The following MKI67 variants were observed in gnomAD, a reference collection of about 807,000 sequenced individuals.
MKI67 encodes proliferation marker protein Ki-67.
Under a neutral mutation model 233.5 loss-of-function variants are expected in MKI67, and 152 were observed. The observed-to-expected ratio is 0.65, with a 90% CI of 0.57 to 0.74. MKI67 has a LOEUF of 0.74. Ranked by LOEUF, MKI67 falls within the 30% of genes least tolerant of loss-of-function variation. The probability of loss-of-function intolerance (pLI) is 0.00; values close to 1 mark genes in which losing one functional copy is unlikely to be tolerated. For missense variants in MKI67, 3,940 were observed against 3,885.2 expected (o/e 1.01, Z -0.37); for synonymous variants, 1,465 against 1,418.5 (o/e 1.03, Z -0.74).
chr10:128,103,075 T>C lies in MKI67; in HGVS notation c.8765A>G (p.Gln2922Arg). Residue 2922 changes from glutamine to arginine, a missense_variant, in exon 13 of 15, where the codon CAA (glutamine) becomes CGA (arginine). Physicochemically the swap from Gln to Arg is conservative, Grantham distance 43 (BLOSUM62 1). Transcript: ENST00000368654. ...AQPLEDLASF[Q>R]ELSQTPGHTE... ...GTGGCCTGGTGTTTGAGAGAGCTCT[T>C]GGAAGCTGGCCAGATCTTCCAGGGG... 1 of 1,614,272 alleles carries C rather than the reference T, an allele frequency of 6.2e-7. No homozygotes were observed. Among genetic ancestry groups the C allele is most frequent in the Non-Finnish European group, 8.5e-7 (1 of 1,180,048 alleles).
Position 128,112,204 on chromosome 10 carries a change from C to T in MKI67, c.1898G>A (p.Arg633Gln), listed in dbSNP as rs76882822. The T allele has an allele frequency of 4.0e-4, 638 of 1,614,204 alleles. 4 individuals are homozygous for T. Among genetic ancestry groups the T allele is most frequent in the South Asian group, 6.6e-4 (60 of 91,084 alleles). The part of the protein sequence containing the change: ...NLPSKRVSIS[R>Q]SQHDILQMIC... ...CATCTGTAAAATATCATGTTGACTT[C>T]GGCTGATAGACACTCTCTTTGAAGG... is the stretch of plus-strand genomic sequence containing the variant. Residue 633 changes from arginine (R) to glutamine (Q), a missense_variant, in exon 9 of 15, where the codon CGA (arginine) becomes CAA (glutamine). Physicochemically the swap from Arg to Gln is conservative, Grantham distance 43. Coordinates refer to ENST00000368654, the MANE Select transcript of MKI67 (RefSeq NM_002417.5).
rs1182379719 is a variant in MKI67 at position 128,102,946 on chromosome 10, G to A, written c.8894C>T (p.Ala2965Val). ...GTCTCCCACGGGTTCTACTTTAGGG[G>A]CCCGAAGAACTCTTCTGGATATTTT... ...PLKISRRVLRAPKVEPVGDVV... is the reference protein window; with the variant it reads ...PLKISRRVLRVPKVEPVGDVV... Residue 2965 changes from alanine (A) to valine (V), a missense_variant, in exon 13 of 15, where the codon GCC (alanine) becomes GTC (valine). Physicochemically the swap from Ala to Val is moderately conservative, Grantham distance 64. Transcript: ENST00000368654. 4 of 1,614,220 alleles carry A rather than the reference G, an allele frequency of 2.5e-6. No individual in the cohort carries two copies. Among genetic ancestry groups the A allele is most frequent in the Middle Eastern group, 1.6e-4 (1 of 6,062 alleles).
chr10:128,105,054 T>G lies in MKI67; in HGVS notation c.6786A>C (p.Val2262=). The G allele has an allele frequency of 1.2e-6, 2 of 1,613,956 alleles. No individual in the cohort carries two copies. Among genetic ancestry groups the G allele is most frequent in the Non-Finnish European group, 1.7e-6 (2 of 1,180,014 alleles). Residue 2262 remains valine, a synonymous_variant, in exon 13 of 15, where the codon GTA becomes GTC. Transcript: ENST00000368654. ...SLALRKRTPS[V]GKAMDTPKPA... ...GTTTGGGTGTGTCCATAGCTTTCCC[T>G]ACTGATGGTGTTCGTTTCCTGAGTG... is the stretch of plus-strand genomic sequence containing the variant.
chr10:128,121,533 ATTATATTATAATTATATAT>A (rs1852944985), intron 4 of MKI67, among the ~76,000 whole-genome samples: 1 of 47,846 alleles, frequency 2.1e-5, no homozygotes, highest in Admixed American at 2.3e-4. Flanking sequence ...AATATTATAT[ATTATATTATAATTATATAT>A]GATTATATAT....
intron 4 of MKI67, among the ~76,000 whole-genome samples, chr10:128,121,175 T>C (rs1327863922): frequency 6.6e-6 from 1 of 151,642 alleles, no homozygotes; most frequent in Admixed American, 6.6e-5. Flanking sequence ...TACACCATAG[T>C]ACAGCCTCAA....
chr10:128,116,158 T>A (rs1446184386), intron 6 of MKI67, 151 bp from the exon 7 acceptor site: 1 of 840,388 alleles, frequency 1.2e-6, no homozygotes, highest in Non-Finnish European at 1.8e-6. Context: ...AACTTGCAAG[T>A]CTTATGATAC....
chr10:128,105,706 G>T lies in MKI67; in HGVS notation c.6134C>A (p.Ser2045Tyr). Residue 2045 changes from serine (S) to tyrosine (Y), a missense_variant, in exon 13 of 15, where the codon TCT (serine) becomes TAT (tyrosine). Transcript: ENST00000368654. ...DGKSIKAFKE[S>Y]AKQMLDPANY... ...TGCTGGGTCCAGCATCTGCTTTGCA[G>T]ATTCCTTAAACGCTTTGATGCTCTT... The T allele has an allele frequency of 6.2e-7, 1 of 1,614,126 alleles. No homozygotes were observed. Among genetic ancestry groups the T allele is most frequent in the Non-Finnish European group, 8.5e-7 (1 of 1,180,034 alleles).
rs530530028 is a variant in MKI67, at chr10:128,106,168, A to G, written c.5672T>C (p.Leu1891Ser). ...TGATGGTGTTAGTTTCCTGAATGCT[A>G]AAAATTCTTCCTCTACGTCTGCTTT... ...LKKADVEEEFLAFRKLTPSAG... is the reference protein window; with the variant it reads ...LKKADVEEEFSAFRKLTPSAG... The change falls in exon 13 of 15, where the codon TTA (leucine) becomes TCA (serine). Residue 1891 changes from leucine (L) to serine (S), a missense_variant. Transcript: ENST00000368654. 3 of 1,613,282 alleles carry G rather than the reference A, an allele frequency of 1.9e-6. No individual in the cohort carries two copies. The African/African-American group carries it at 4.0e-5, about 22-fold the overall frequency.
Position 128,106,264 on chromosome 10 carries a change from C to A in MKI67, c.5576G>T (p.Cys1859Phe), listed in dbSNP as rs747656117. 6.2e-7 allele frequency: 1 copy of A among 1,612,388 alleles called. No individual in the cohort carries two copies. The change falls in exon 13 of 15, where the codon TGC becomes TTC. Residue 1859 changes from cysteine (C) to phenylalanine (F), a missense_variant. Cys to Phe is a radical substitution (Grantham distance 205). Coordinates refer to ENST00000368654, the MANE Select transcript of MKI67 (RefSeq NM_002417.5). ...CGCTGGGTCTGATTGCGGAGATTTG[C>A]AGAGTATTTTTTTGGTAGTTTTCTC... ...TDEKTTKKIL[C>F]KSPQSDPADT...
Position 128,125,824 on chromosome 10 carries a change from AT to A in MKI67, c.-89-69del. 1 of 685,934 alleles carries A rather than the reference AT, an allele frequency of 1.5e-6. No homozygotes were observed. The highest frequency in any genetic ancestry group is 1.8e-5 in the African/African-American group (1 of 56,132). The allele number at this position is 685,934 out of a possible 1,614,324, so 42.5% of individuals were successfully genotyped here. On this transcript the variant is annotated intron_variant, in intron 1 of 14. Transcript: ENST00000368654. The surrounding 1 kb of genome is among the most constrained non-coding windows in gnomAD (Gnocchi z 5.3). ...GAAGGGCCCCGTGCCCAATTCACCT[AT>A]CCCCGGCCACAGAAGCGCACACCGC...
At chr10:128,116,614 T>C in intron 5 of MKI67, 78 bp from the exon 6 acceptor site, 1 of 1,392,858 alleles carries the variant, frequency 7.2e-7, no homozygotes, top group South Asian at 1.2e-5. Context: ...AAATATTATT[T>C]ATTGTTTTCT....
chr10:128,107,786 G>A lies in MKI67; in HGVS notation c.4054C>T (p.Leu1352Phe), dbSNP rs748654192. Residue 1352 changes from leucine to phenylalanine, a missense_variant, in exon 13 of 15, where the codon CTC (leucine) becomes TTC (phenylalanine). By Grantham distance (22) the Leu-to-Phe change is conservative. Coordinates refer to ENST00000368654, the MANE Select transcript of MKI67 (RefSeq NM_002417.5). ...ALEDLTGFKE[L>F]FQTPGHTEEA... ...TCAGTATGACCAGGGGTCTGGAAGAGCTCTTTAAAGCCAGTCAGGTCTTCC... is the reference window on the plus strand; with the variant it reads ...TCAGTATGACCAGGGGTCTGGAAGAACTCTTTAAAGCCAGTCAGGTCTTCC... The A allele has an allele frequency of 6.2e-7, 1 of 1,614,056 alleles. No homozygotes were observed. Among genetic ancestry groups the A allele is most frequent in the Non-Finnish European group, 8.5e-7 (1 of 1,180,000 alleles).
intron 5 of MKI67, among the ~76,000 whole-genome samples, chr10:128,117,068 T>G (rs915568982): frequency 5.3e-5 from 8 of 152,210 alleles, no homozygotes; most frequent in Non-Finnish European, 1.2e-4. Flanking sequence ...GAGTGATTAA[T>G]AGGAAACAAA....
chr10:128,119,213 A>G, intron 5 of MKI67, 40 bp downstream of exon 5: 7 of 1,389,184 alleles, frequency 5.0e-6, no homozygotes, highest in Non-Finnish European at 7.2e-6. Flanking sequence ...ATTTCATATC[A>G]TCGAAACGAA....
rs540401023 is a variant in MKI67, at chr10:128,103,711, G to T, written c.8129C>A (p.Pro2710Gln). ...KATKIPCESP[P>Q]LEVVDTTAST... ...TGCTGTGGTGTCTACCACTTCTAGT[G>T]GGGGAGATTCGCAGGGTATTTTAGT... The change falls in exon 13 of 15, where the codon CCA becomes CAA. Residue 2710 changes from proline to glutamine, a missense_variant. Transcript: ENST00000368654. 6.2e-6 allele frequency: 10 copies of T among 1,614,068 alleles called. No individual in the cohort carries two copies. The highest frequency in any genetic ancestry group is 3.3e-5 in the South Asian group (3 of 91,076).
Position 128,099,180 on chromosome 10 carries a change from G to T in MKI67, c.*10C>A. 6.3e-7 allele frequency: 1 copy of T among 1,599,700 alleles called. No individual in the cohort carries two copies. Among genetic ancestry groups the T allele is most frequent in the Non-Finnish European group, 8.5e-7 (1 of 1,172,298 alleles). Reference sequence around the variant, plus strand: ...AACTTTATTATATTTTTCCCAGTTCGATTTTTCTGTCAAATATCTTCACTG... The same window carrying T: ...AACTTTATTATATTTTTCCCAGTTCTATTTTTCTGTCAAATATCTTCACTG... On this transcript the variant is annotated 3_prime_UTR_variant, in exon 15 of 15. Coordinates refer to ENST00000368654, the MANE Select transcript of MKI67 (RefSeq NM_002417.5).
In MKI67 at chr10:128,105,266, C is replaced by G. The variant is rs139058203; in HGVS notation, c.6574G>C (p.Glu2192Gln). 6.2e-7 allele frequency: 1 copy of G among 1,613,962 alleles called. No homozygotes were observed. Among genetic ancestry groups the G allele is most frequent in the Non-Finnish European group, 8.5e-7 (1 of 1,180,032 alleles). The change falls in exon 13 of 15, where the codon GAA becomes CAA. Residue 2192 changes from glutamate (E) to glutamine (Q), a missense_variant. Coordinates refer to ENST00000368654, the MANE Select transcript of MKI67 (RefSeq NM_002417.5). Reference protein sequence around the residue: ...RTPKGKAQPLEDLAGLKELFQ... With the variant: ...RTPKGKAQPLQDLAGLKELFQ... Reference sequence around the variant, plus strand: ...AGCTCTTTCAAGCCAGCCAAGTCTTCTAGGGGTTGGGCTTTTCCCTTAGGA... The same window carrying G: ...AGCTCTTTCAAGCCAGCCAAGTCTTGTAGGGGTTGGGCTTTTCCCTTAGGA...
At position 128,103,760 on chromosome 10, in the gene MKI67, C is replaced by T; in HGVS notation, c.8080G>A (p.Glu2694Lys). The change falls in exon 13 of 15, where the codon GAA (glutamate) becomes AAA (lysine). Residue 2694 changes from glutamate to lysine, a missense_variant. Coordinates refer to ENST00000368654, the MANE Select transcript of MKI67 (RefSeq NM_002417.5). ...GTGGCTTTGCCAGCAGTCAGTGATT[C>T]CTGAGTGTGACCTGATGTTTCAGAG... ...ELSETSGHTQ[E>K]SLTAGKATKI... 6.2e-7 allele frequency: 1 copy of T among 1,613,612 alleles called. No individual in the cohort carries two copies. The highest frequency in any genetic ancestry group is 8.5e-7 in the Non-Finnish European group (1 of 1,179,958).
chr10:128,112,056 GA>G lies in MKI67; in HGVS notation c.1970-12del. 2 of 1,608,186 alleles carry G rather than the reference GA, an allele frequency of 1.2e-6. No homozygotes were observed. Among genetic ancestry groups the G allele is most frequent in the South Asian group, 1.1e-5 (1 of 90,024 alleles). ...CCCATGATTTTGCAACTGTCAAAGG[GA>G]AAAGACGAAACTTTTCAAAAATTAG... On this transcript the variant is annotated splice_polypyrimidine_tract_variant and intron_variant, in intron 9 of 14. Transcript: ENST00000368654.
Sources: gnomAD v4.1 joint callset for allele counts (sites outside exome capture counted in the v4.1 genomes callset) on GRCh38, gnomAD v4.1.1 for gene constraint, Gnocchi (gnomAD v3.1) non-coding constraint, MANE v1.5 for transcripts, NCBI Gene and HGNC (gene_info 2026-07-23, HGNC 2026-07-21) for gene names.